S100Z: variants seen among roughly 807,000 people sequenced by gnomAD.
The protein encoded by S100Z is S100 calcium binding protein Z.
A neutral mutation model predicts 8.5 loss-of-function variants in S100Z; 11 were observed. The ratio of observed to expected loss-of-function variants is 1.30; its 90% CI spans 0.82 to 2.15. The LOEUF is 2.15. S100Z is among the 30% of genes most tolerant of loss of function. S100Z has a pLI of 0.00. For missense variants in S100Z, 126 were observed against 117.9 expected, an observed-to-expected ratio of 1.07 and a Z score of -0.32; for synonymous variants, 34 against 43.8, an observed-to-expected ratio of 0.78 and a Z score of 0.89.
intron 4 of S100Z, among the ~76,000 whole-genome samples, chr5:76,906,344 T>C (rs1055459044): frequency 1.3e-5 from 2 of 152,232 alleles, no homozygotes; most frequent in African/African-American, 4.8e-5. Context: ...TTATTAACTA[T>C]AGTCACCATG....
chr5:76,856,596 G>T (rs1750888793), intron 1 of S100Z, among the ~76,000 whole-genome samples: 1 of 152,178 alleles, frequency 6.6e-6, no homozygotes, highest in Admixed American at 6.5e-5. Flanking sequence ...ATTGTAACTA[G>T]TATAGCCATA....
At chr5:76,890,258 A>G (rs1197778924) in intron 4 of S100Z, among the ~76,000 whole-genome samples, 1 of 152,164 alleles carries the variant, frequency 6.6e-6, no homozygotes, top group Non-Finnish European at 1.5e-5. Flanking sequence ...TCCTGACCTC[A>G]GGGAGTCCAC....
intron 1 of S100Z, among the ~76,000 whole-genome samples, chr5:76,866,246 G>A (rs1742726866): frequency 6.6e-6 from 1 of 151,590 alleles, no homozygotes; most frequent in African/African-American, 2.4e-5. Flanking sequence ...CACCATGCCC[G>A]GCTAATTTTT....
chr5:76,867,681 A>G (rs1306148978), intron 1 of S100Z, among the ~76,000 whole-genome samples: 1 of 151,128 alleles, frequency 6.6e-6, no homozygotes, highest in Non-Finnish European at 1.5e-5. Context: ...AACTGAGTTC[A>G]AATGATCCTC....
chr5:76,906,990 A>G (rs1267530875), intron 4 of S100Z, among the ~76,000 whole-genome samples: 13 of 12,862 alleles, frequency 1.0e-3, no homozygotes, highest in East Asian at 2.9e-3. Flanking sequence ...ATATATATAT[A>G]TATATATATA....
chr5:76,936,941 C>A, the S100Z span, among the ~76,000 whole-genome samples: 1 of 152,156 alleles, frequency 6.6e-6, no homozygotes, highest in Non-Finnish European at 1.5e-5. Flanking sequence ...AGCCCCTCAT[C>A]CTTCACCCAA....
intron 4 of S100Z, among the ~76,000 whole-genome samples, chr5:76,916,807 G>C (rs1237819295): frequency 1.3e-5 from 2 of 152,150 alleles, no homozygotes; most frequent in Non-Finnish European, 2.9e-5. Flanking sequence ...CAAAGTTATA[G>C]CATGAAATCC....
intron 2 of S100Z, among the ~76,000 whole-genome samples, chr5:76,871,836 T>C (rs931294685): frequency 6.6e-6 from 1 of 152,244 alleles, no homozygotes; most frequent in Non-Finnish European, 1.5e-5. Context: ...CCGAAAATCT[T>C]TGAATCCACT....
chr5:76,860,835 A>G (rs1452697765), intron 1 of S100Z, among the ~76,000 whole-genome samples: 1 of 152,226 alleles, frequency 6.6e-6, no homozygotes, highest in Non-Finnish European at 1.5e-5. Flanking sequence ...TTCTCCTGTA[A>G]GAGCATGACA....
At chr5:76,878,986 G>C (rs866766986) in intron 4 of S100Z, among the ~76,000 whole-genome samples, 22 of 152,286 alleles carry the variant, frequency 1.4e-4, no homozygotes, top group African/African-American at 4.8e-4. Context: ...TCAGAACCCT[G>C]GTTTGTGCAG....
intron 1 of S100Z, among the ~76,000 whole-genome samples, chr5:76,854,364 G>A (rs1432603505): frequency 1.3e-5 from 2 of 152,162 alleles, no homozygotes; most frequent in Non-Finnish European, 2.9e-5. Context: ...CCAAAATGCT[G>A]ATAGTAATAT....
the S100Z span, among the ~76,000 whole-genome samples, chr5:76,932,667 T>C: frequency 1.3e-5 from 2 of 152,102 alleles, no homozygotes; most frequent in Non-Finnish European, 2.9e-5. Context: ...AAGACCATTT[T>C]TGAAACTCCA....
chr5:76,913,461 T>G (rs1744737191), intron 4 of S100Z, among the ~76,000 whole-genome samples: 1 of 152,192 alleles, frequency 6.6e-6, no homozygotes, highest in Non-Finnish European at 1.5e-5. Flanking sequence ...ACAAACAGAA[T>G]CAGGAAGGAG....
the S100Z span, among the ~76,000 whole-genome samples, chr5:76,943,008 G>A: frequency 6.6e-6 from 1 of 152,106 alleles, no homozygotes; most frequent in Admixed American, 6.6e-5. Flanking sequence ...CAGTGGGGTG[G>A]TTCTTTTTTT....
chr5:76,946,075 C>A, the S100Z span, among the ~76,000 whole-genome samples: 5 of 152,164 alleles, frequency 3.3e-5, no homozygotes, highest in Admixed American at 1.3e-4. Flanking sequence ...CTAGTCTAGT[C>A]ATTTGGTTAA....
At chr5:76,947,913 A>G in the S100Z span, among the ~76,000 whole-genome samples, 1 of 152,238 alleles carries the variant, frequency 6.6e-6, no homozygotes. Context: ...TAAAACTCCT[A>G]GAAGAAAACA....
At chr5:76,936,167 GATAAA>G in the S100Z span, among the ~76,000 whole-genome samples, 8 of 152,122 alleles carry the variant, frequency 5.3e-5, no homozygotes, top group East Asian at 9.6e-4. Flanking sequence ...ATAGGGAATT[GATAAA>G]ATAAAATAAT....
downstream of S100Z, among the ~76,000 whole-genome samples, chr5:76,924,628 G>A (rs374175577): frequency 2.6e-3 from 400 of 152,256 alleles, 11 homozygotes; most frequent in South Asian, 0.077. Context: ...TACATTTATG[G>A]GCCGGGTGTG....
chr5:76,906,964 C>T, intron 4 of S100Z, among the ~76,000 whole-genome samples: 1 of 109,316 alleles, frequency 9.1e-6, no homozygotes, highest in South Asian at 3.1e-4. Context: ...AATAGTATTC[C>T]ATTGTGTGTG....
Sources: gnomAD v4.1 joint callset for allele counts (sites outside exome capture counted in the v4.1 genomes callset) on GRCh38, gnomAD v4.1.1 for gene constraint, MANE v1.5 for transcripts, NCBI Gene and HGNC (gene_info 2026-07-23, HGNC 2026-07-21) for gene names.